The following AGBL1 variants were observed in gnomAD, a reference collection of about 807,000 sequenced individuals.
The protein encoded by AGBL1 is cytosolic carboxypeptidase 4.
Under a neutral mutation model 118.9 loss-of-function variants are expected in AGBL1, and 130 were observed. The observed-to-expected ratio is 1.09, with a 90% confidence interval of 0.95 to 1.26. The LOEUF is 1.26. Ranked by LOEUF, AGBL1 falls within the 50% of genes most tolerant of loss-of-function variation. The probability of loss-of-function intolerance (pLI) is 0.00; values close to 1 mark genes in which losing one functional copy is unlikely to be tolerated. For missense variants in AGBL1, 1,584 were observed against 1,298.1 expected, an observed-to-expected ratio of 1.22 and a Z score of -3.38; for synonymous variants, 555 against 478.9, an observed-to-expected ratio of 1.16 and a Z score of -2.08.
chr15:86,271,043 A>ATGTTT (rs2079152571), intron 14 of AGBL1, among the ~76,000 whole-genome samples: 1 of 89,062 alleles, frequency 1.1e-5, no homozygotes, highest in Non-Finnish European at 2.0e-5. Context: ...GTCACGTTGC[A>ATGTTT]TTTTTTTTTT....
intron 18 of AGBL1, among the ~76,000 whole-genome samples, chr15:86,483,838 C>G (rs2082682135): frequency 6.6e-6 from 1 of 152,132 alleles, no homozygotes; most frequent in South Asian, 2.1e-4. Flanking sequence ...CTTACCAATG[C>G]AGATGCAGCT....
chr15:86,482,260 G>T (rs2082661445), intron 18 of AGBL1, among the ~76,000 whole-genome samples: 1 of 152,076 alleles, frequency 6.6e-6, no homozygotes, highest in African/African-American at 2.4e-5. Context: ...ATGAATTTGG[G>T]TTAGTAAAAT....
chr15:86,289,816 A>T (rs538643945), intron 16 of AGBL1, among the ~76,000 whole-genome samples: 1 of 152,184 alleles, frequency 6.6e-6, no homozygotes, highest in African/African-American at 2.4e-5. Context: ...CCTCATCTCA[A>T]ATTTCCTAAT....
intron 21 of AGBL1, among the ~76,000 whole-genome samples, chr15:86,654,132 T>A (rs1245106484): frequency 2.0e-5 from 3 of 152,096 alleles, no homozygotes; most frequent in Non-Finnish European, 1.5e-5. Flanking sequence ...CAAACTCAGA[T>A]GTCTCTATGG....
At chr15:86,862,749 A>G (rs1207884928) in intron 22 of AGBL1, among the ~76,000 whole-genome samples, 1 of 152,214 alleles carries the variant, frequency 6.6e-6, no homozygotes, top group African/African-American at 2.4e-5. Context: ...ATACGAATAC[A>G]AAAACAAAGT....
At chr15:86,658,027 A>G (rs1357590694) in intron 21 of AGBL1, among the ~76,000 whole-genome samples, 1 of 152,024 alleles carries the variant, frequency 6.6e-6, no homozygotes, top group African/African-American at 2.4e-5. Context: ...AATATATATA[A>G]TTTATATGTG....
intron 22 of AGBL1, among the ~76,000 whole-genome samples, chr15:86,751,257 C>T (rs1313512802): frequency 5.9e-5 from 9 of 152,056 alleles, no homozygotes; most frequent in Admixed American, 3.9e-4. Flanking sequence ...TGTAAGTGTT[C>T]CTTTTTCTTC....
At position 86,371,431 on chromosome 15, in the gene AGBL1, C is replaced by T. The variant is rs891481927; in HGVS notation, c.2375-25935C>T. 8.2e-4 allele frequency among the ~76,000 whole-genome samples: 124 copies of T among 152,084 alleles called. 9 individuals are homozygous for T. The highest frequency in any genetic ancestry group is 2.9e-5 in the Non-Finnish European group (2 of 68,028). ...TTCTTCCACCCCTCAAGTCTTGGCT[C>T]ACAGCCTGTCCTCTGCATGTACTTC... On this transcript the variant is annotated intron_variant, in intron 17 of 22. Transcript: ENST00000614907.
At chr15:86,821,428 G>A (rs969750472) in intron 22 of AGBL1, among the ~76,000 whole-genome samples, 2 of 152,124 alleles carry the variant, frequency 1.3e-5, no homozygotes, top group African/African-American at 2.4e-5. Context: ...TATTCGATAT[G>A]AAGAACAACA....
At chr15:86,666,044 G>A (rs2085638407) in intron 21 of AGBL1, among the ~76,000 whole-genome samples, 1 of 151,928 alleles carries the variant, frequency 6.6e-6, no homozygotes, top group African/African-American at 2.4e-5. Flanking sequence ...TTTTATTCTG[G>A]GATATTCTTG....
At chr15:86,755,674 C>T (rs1418948295) in intron 22 of AGBL1, among the ~76,000 whole-genome samples, 1 of 152,090 alleles carries the variant, frequency 6.6e-6, no homozygotes, top group Non-Finnish European at 1.5e-5. Context: ...TGTCCTGTGC[C>T]TCTGTTCCTT....
intron 18 of AGBL1, among the ~76,000 whole-genome samples, chr15:86,504,502 C>G (rs2082952194): frequency 6.6e-6 from 1 of 151,370 alleles, no homozygotes; most frequent in South Asian, 2.1e-4. Flanking sequence ...TCATTCCTCT[C>G]TTATTTCTTT....
intron 23 of AGBL1, among the ~76,000 whole-genome samples, chr15:86,925,407 T>C (rs990816931): frequency 9.2e-5 from 14 of 152,110 alleles, no homozygotes; most frequent in Admixed American, 6.5e-5. Context: ...TGGTGTGTAA[T>C]TATAGGGCAA....
chr15:86,687,367 T>C (rs570184987), intron 22 of AGBL1, among the ~76,000 whole-genome samples: 1 of 152,154 alleles, frequency 6.6e-6, no homozygotes, highest in Non-Finnish European at 1.5e-5. Context: ...GGCTGAGGCT[T>C]GCCTGAAAGC....
intron 22 of AGBL1, among the ~76,000 whole-genome samples, chr15:86,726,349 G>A (rs553115648): frequency 1.3e-5 from 2 of 152,272 alleles, no homozygotes; most frequent in South Asian, 4.2e-4. Context: ...ATGGGATAGT[G>A]GGAGGAGAGT....
chr15:86,839,642 C>A (rs1443285553), intron 22 of AGBL1, among the ~76,000 whole-genome samples: 1 of 152,180 alleles, frequency 6.6e-6, no homozygotes, highest in Admixed American at 6.5e-5. Flanking sequence ...CCCCACCCAC[C>A]ATCCCTTAGC....
At chr15:86,532,333 C>G (rs1299559656) in intron 19 of AGBL1, among the ~76,000 whole-genome samples, 1 of 151,452 alleles carries the variant, frequency 6.6e-6, no homozygotes, top group Non-Finnish European at 1.5e-5. Context: ...AACAGAGAGC[C>G]AAATCATGAG....
chr15:86,092,590 G>C (rs1380057288), intron 1 of AGBL1, among the ~76,000 whole-genome samples: 1 of 152,100 alleles, frequency 6.6e-6, no homozygotes, highest in Non-Finnish European at 1.5e-5. Flanking sequence ...TGGTATTTTT[G>C]CCTCAGTCTT....
intron 21 of AGBL1, among the ~76,000 whole-genome samples, chr15:86,643,132 G>A (rs140244255): frequency 1.2e-4 from 19 of 152,150 alleles, no homozygotes; most frequent in Admixed American, 3.9e-4. Context: ...TTTGTAGTAC[G>A]TTGTTCATAA....
Sources: gnomAD v4.1 joint callset for allele counts (sites outside exome capture counted in the v4.1 genomes callset) on GRCh38, gnomAD v4.1.1 for gene constraint, MANE v1.5 for transcripts, NCBI Gene and HGNC (gene_info 2026-07-23, HGNC 2026-07-21) for gene names.